The following PSMB2 variants were observed in gnomAD, a reference collection of about 807,000 sequenced individuals.
The protein encoded by PSMB2 is proteasome 20S subunit beta 2, also known as proteasome subunit beta type-2.
Under a neutral mutation model 25.7 loss-of-function variants are expected in PSMB2, and 13 were observed. That is an observed-to-expected ratio of 0.51 (90% confidence interval 0.33 to 0.80). PSMB2 has a LOEUF of 0.80. Ranked by LOEUF, PSMB2 falls within the 30% of genes least tolerant of loss-of-function variation. The pLI is 0.02. For synonymous variants in PSMB2, 87 were observed against 96.2 expected, an observed-to-expected ratio of 0.90 and a Z score of 0.56; for missense variants, 202 against 259.0, an observed-to-expected ratio of 0.78 and a Z score of 1.51.
intron 3 of PSMB2, 37 bp downstream of exon 3, chr1:35,631,237 T>C: frequency 6.3e-7 from 1 of 1,590,424 alleles, no homozygotes; most frequent in South Asian, 1.1e-5. Flanking sequence ...CAAAGGATTT[T>C]TCTGCTCTAT....
In PSMB2 at chr1:35,605,272, A is replaced by G. The variant is rs1157963456; in HGVS notation, c.459T>C (p.Arg153=). 1.2e-6 allele frequency: 2 copies of G among 1,613,124 alleles called. No individual in the cohort carries two copies. The highest frequency in any genetic ancestry group is 1.7e-6 in the Non-Finnish European group (2 of 1,179,576). Residue 153 remains arginine (R), a synonymous_variant, in exon 5 of 6, where the codon CGT becomes CGC. Coordinates refer to ENST00000373237, the MANE Select transcript of PSMB2 (RefSeq NM_002794.5). ...TCCTAAGGAGTTCCACTGCCCTCTCACGTGAGATAGCTGAAAGAGAACACA... is the reference window on the plus strand; with the variant it reads ...TCCTAAGGAGTTCCACTGCCCTCTCGCGTGAGATAGCTGAAAGAGAACACA... ...LDRYYTPTIS[R]ERAVELLRKC...
Position 35,631,236 on chromosome 1 carries a change from T to C in PSMB2, c.285+38A>G, listed in dbSNP as rs774648362. ...GAATATAAAAGAAGCACAAAGGATT[T>C]TTCTGCTCTATCTAACAATGTCTGA... On this transcript the variant is annotated intron_variant, in intron 3 of 5. Coordinates refer to ENST00000373237, the MANE Select transcript of PSMB2 (RefSeq NM_002794.5). The C allele has an allele frequency of 3.3e-5, 52 of 1,589,844 alleles. No homozygotes were observed. In the African/African-American group the frequency reaches 4.2e-4, roughly 13 times the overall value.
rs1227909062 is a variant in PSMB2, at chr1:35,603,283, G to T, written c.590C>A (p.Pro197His). Residue 197 changes from proline (P) to histidine (H), a missense_variant, in exon 6 of 6, where the codon CCC (proline) becomes CAC (histidine). Coordinates refer to ENST00000373237, the MANE Select transcript of PSMB2 (RefSeq NM_002794.5). ...GIHDLDNISF[P>H]KQGS The stretch of plus-strand genomic sequence containing the variant: ...GACATGATGTTAGGAGCCCTGTTTG[G>T]GGAAGGAAATGTTATCCAGGTCATG... 5.6e-6 allele frequency: 9 copies of T among 1,614,030 alleles called. No homozygotes were observed. Among genetic ancestry groups the T allele is most frequent in the Admixed American group, 1.7e-5 (1 of 60,002 alleles).
intron 3 of PSMB2, among the ~76,000 whole-genome samples, chr1:35,610,699 T>A (rs1285913836): frequency 6.6e-6 from 1 of 152,156 alleles, no homozygotes; most frequent in Non-Finnish European, 1.5e-5. Flanking sequence ...CTTCATCATG[T>A]TGGCCAGGTT....
At chr1:35,632,431 T>C (rs1651132046) in intron 2 of PSMB2, among the ~76,000 whole-genome samples, 1 of 152,226 alleles carries the variant, frequency 6.6e-6, no homozygotes, top group African/African-American at 2.4e-5. Context: ...GGTTAAGTAA[T>C]TGCTTACAAC....
chr1:35,610,005 T>C (rs1488040974), intron 3 of PSMB2, among the ~76,000 whole-genome samples: 2 of 152,236 alleles, frequency 1.3e-5, no homozygotes, highest in Non-Finnish European at 2.9e-5. Flanking sequence ...TCCTAATTGT[T>C]GAAACCAACG....
chr1:35,606,043 T>C (rs905303789), intron 4 of PSMB2, among the ~76,000 whole-genome samples: 4 of 152,148 alleles, frequency 2.6e-5, no homozygotes, highest in African/African-American at 9.7e-5. Context: ...AAGAATGGAA[T>C]GTAAGGAGAG....
At chr1:35,635,927 C>T (rs375389056) in intron 2 of PSMB2, among the ~76,000 whole-genome samples, 32 of 151,192 alleles carry the variant, frequency 2.1e-4, no homozygotes, top group African/African-American at 7.8e-4. Context: ...TTGTTATAGG[C>T]TGAATTTTGT....
intron 1 of PSMB2, among the ~76,000 whole-genome samples, chr1:35,639,091 T>C (rs61070354): frequency 5.9e-5 from 9 of 152,038 alleles, no homozygotes; most frequent in African/African-American, 2.2e-4. Context: ...CCGTTTCTAC[T>C]AAAAATACAA....
At chr1:35,611,838 G>GGAGAGA (rs144144116) in intron 3 of PSMB2, among the ~76,000 whole-genome samples, 3 of 148,664 alleles carry the variant, frequency 2.0e-5, no homozygotes, top group East Asian at 2.0e-4. Flanking sequence ...AAAAAAAAAA[G>GGAGAGA]GAGAGAGAGA....
At chr1:35,619,021 A>C (rs1319391141) in intron 3 of PSMB2, among the ~76,000 whole-genome samples, 1 of 152,242 alleles carries the variant, frequency 6.6e-6, no homozygotes, top group East Asian at 1.9e-4. Context: ...GACAAAATAA[A>C]AGAAACACTG....
In PSMB2 at chr1:35,600,817, C is replaced by T. The variant is rs1053960603; in HGVS notation, c.*2450G>A. 8.0e-5 allele frequency: 79 copies of T among 985,376 alleles called. No individual in the cohort carries two copies. The highest frequency in any genetic ancestry group is 1.0e-3 in the Middle Eastern group (2 of 1,914). 61.0% of individuals were successfully genotyped at this position (985,376 alleles called of 1,614,324 possible). ...CAAAGGCAGAGAACCGTATGTCATC[C>T]CTGGTGAGGCCTGAATGCAGAATAA... On this transcript the variant is annotated 3_prime_UTR_variant, in exon 6 of 6. Transcript: ENST00000373237.
chr1:35,621,985 G>A (rs1650700540), intron 3 of PSMB2, among the ~76,000 whole-genome samples: 2 of 151,754 alleles, frequency 1.3e-5, no homozygotes, highest in Admixed American at 1.3e-4. Context: ...GACAGAGCGA[G>A]ACTATGTCTC....
intron 3 of PSMB2, among the ~76,000 whole-genome samples, chr1:35,610,833 T>C (rs372905304): frequency 6.6e-6 from 1 of 152,242 alleles, no homozygotes; most frequent in Admixed American, 6.5e-5. Flanking sequence ...CAGACTTAAC[T>C]GAAAAGTAAT....
Position 35,616,469 on chromosome 1 carries a change from C to T in PSMB2, c.286-7061G>A, listed in dbSNP as rs182344059. ...TGCAGTGGCTATCCACAGGTGCAAT[C>T]ACAGCACACTATAGCCTCAAACTCC... On this transcript the variant is annotated intron_variant, in intron 3 of 5. Coordinates refer to ENST00000373237, the MANE Select transcript of PSMB2 (RefSeq NM_002794.5). Among the ~76,000 whole-genome samples, 227 of 152,330 alleles carry T rather than the reference C, an allele frequency of 1.5e-3. 4 individuals carry two copies. The highest frequency in any genetic ancestry group is 0.012 in the Admixed American group (189 of 15,302).
chr1:35,613,768 A>G (rs945312564), intron 3 of PSMB2, among the ~76,000 whole-genome samples: 1 of 152,210 alleles, frequency 6.6e-6, no homozygotes, highest in Non-Finnish European at 1.5e-5. Flanking sequence ...AATAAGAAAG[A>G]GTTGGGCTGT....
At chr1:35,639,671 T>C (rs1308125774) in intron 1 of PSMB2, among the ~76,000 whole-genome samples, 1 of 152,230 alleles carries the variant, frequency 6.6e-6, no homozygotes, top group Non-Finnish European at 1.5e-5. Context: ...TGATTTCACA[T>C]ACATTTGGGA....
Position 35,603,082 on chromosome 1 carries a change from C to G in PSMB2, c.*185G>C. The G allele has an allele frequency of 7.3e-7, 1 of 1,363,084 alleles. No individual in the cohort carries two copies. The highest frequency in any genetic ancestry group is 2.8e-4 in the Middle Eastern group (1 of 3,578). 84.4% of individuals were successfully genotyped at this position (1,363,084 alleles called of 1,614,324 possible). On this transcript the variant is annotated 3_prime_UTR_variant, in exon 6 of 6. Coordinates refer to ENST00000373237, the MANE Select transcript of PSMB2 (RefSeq NM_002794.5). The stretch of plus-strand genomic sequence containing the variant: ...TCAGACCTGGCAAAAAGATCATCTT[C>G]CCTCCATATCCTTTCTGAGGTAATA...
At chr1:35,609,614 A>C (rs78451639) in intron 3 of PSMB2, among the ~76,000 whole-genome samples, 12,109 of 152,264 alleles carry the variant, frequency 0.08, 1,217 homozygotes, top group African/African-American at 0.23. Context: ...TCTCTTTGAA[A>C]GGAAGGGCAT....
Sources: allele counts gnomAD v4.1 joint callset (sites outside exome capture counted in the v4.1 genomes callset), GRCh38; gene constraint gnomAD v4.1.1; transcripts MANE v1.5; gene names NCBI Gene and HGNC (gene_info 2026-07-23, HGNC 2026-07-21).